The following ASXL2 variants were observed in gnomAD, a reference collection of about 807,000 sequenced individuals.
The protein encoded by ASXL2 is putative Polycomb group protein ASXL2.
A neutral mutation model predicts 122.0 loss-of-function variants in ASXL2; 23 were observed. The observed-to-expected ratio is 0.19, with a 90% CI of 0.14 to 0.27. ASXL2 has a LOEUF of 0.27. Among genes scored for constraint, ASXL2 ranks in the 10% least tolerant of loss-of-function variants. The probability of loss-of-function intolerance (pLI) is 1.00; values close to 1 mark genes in which losing one functional copy is unlikely to be tolerated. For synonymous variants in ASXL2, 650 were observed against 637.0 expected (o/e 1.02, Z -0.31); for missense variants, 1,518 against 1,713.8 (o/e 0.89, Z 2.02).
intron 3 of ASXL2, among the ~76,000 whole-genome samples, chr2:25,814,896 A>G (rs1454595273): frequency 6.6e-6 from 1 of 152,244 alleles, no homozygotes; most frequent in Non-Finnish European, 1.5e-5. Context: ...AGCCTGGGCA[A>G]GTCACTTTAA....
At chr2:25,796,021 G>C (rs1243195013) in intron 5 of ASXL2, among the ~76,000 whole-genome samples, 1 of 152,016 alleles carries the variant, frequency 6.6e-6, no homozygotes, top group Non-Finnish European at 1.5e-5. Flanking sequence ...TTGAGGTCTG[G>C]GTAGCTCTCT....
chr2:25,810,238 CTG>C (rs1413408087), intron 3 of ASXL2: 1 of 616,212 alleles, frequency 1.6e-6, no homozygotes, highest in African/African-American at 1.8e-5. Flanking sequence ...GCTCGTTCCT[CTG>C]TGAGTTCCAA....
rs1180177627 is a variant in ASXL2, at chr2:25,740,999, AGAG to A, written c.*1027_*1029del. ...CACTAGGTTAACAGGTTGGGAGAGAAGAGGAAAAGAGAAGCGACCTTGTTCTAG... is the reference window on the plus strand; with the variant it reads ...CACTAGGTTAACAGGTTGGGAGAGAAGAAAAGAGAAGCGACCTTGTTCTAG... On this transcript the variant is annotated 3_prime_UTR_variant, in exon 13 of 13. Transcript: ENST00000435504. 3 of 192,470 alleles carry A rather than the reference AGAG, an allele frequency of 1.6e-5. No homozygotes were observed. The East Asian group carries it at 2.5e-4, about 16-fold the overall frequency. 11.9% of individuals were successfully genotyped at this position (192,470 alleles called of 1,614,324 possible).
chr2:25,742,807 T>G lies in ASXL2; in HGVS notation c.3530A>C (p.Lys1177Thr). ...ACTTTCCTCATCAGTGTCATCTTCTTTGCTGCTGCTACTCTCTCCTGTTGC... is the reference window on the plus strand; with the variant it reads ...ACTTTCCTCATCAGTGTCATCTTCTGTGCTGCTGCTACTCTCTCCTGTTGC... ...KNATGESSSS[K>T]EDDTDEESTG... Residue 1177 changes from lysine to threonine, a missense_variant, in exon 13 of 13, where the codon AAA becomes ACA. By Grantham distance (78) the Lys-to-Thr change is moderately conservative. Transcript: ENST00000435504. 1 of 1,613,996 alleles carries G rather than the reference T, an allele frequency of 6.2e-7. No homozygotes were observed. Among genetic ancestry groups the G allele is most frequent in the Non-Finnish European group, 8.5e-7 (1 of 1,179,900 alleles).
chr2:25,824,112 T>G (rs1194333245), intron 3 of ASXL2, among the ~76,000 whole-genome samples: 2 of 146,588 alleles, frequency 1.4e-5, no homozygotes, highest in African/African-American at 5.1e-5. Flanking sequence ...TAGCAATAAT[T>G]AGTAGTTATG....
At chr2:25,769,526 A>G (rs1216529484) in intron 6 of ASXL2, among the ~76,000 whole-genome samples, 1 of 152,172 alleles carries the variant, frequency 6.6e-6, no homozygotes, top group Non-Finnish European at 1.5e-5. Flanking sequence ...CTACTTCAGA[A>G]TATTTTGATT....
chr2:25,849,064 C>CATATATATATATATATATAT lies in ASXL2; in HGVS notation c.58-3502_58-3501insATATATATATATATATATAT, dbSNP rs139200567. On this transcript the variant is annotated intron_variant, in intron 1 of 12. Coordinates refer to ENST00000435504, the MANE Select transcript of ASXL2 (RefSeq NM_018263.6). ...CCGTCTCAAAAAAAAAAAAAATTTACATATATATATATGGAATATTTATTT... is the reference window on the plus strand; with the variant it reads ...CCGTCTCAAAAAAAAAAAAAATTTACATATATATATATATATATATATATATATATATGGAATATTTATTT... Among the ~76,000 whole-genome samples the CATATATATATATATATATAT allele has an allele frequency of 7.6e-3, 653 of 86,432 alleles. 51 individuals carry two copies. The highest frequency in any genetic ancestry group is 0.016 in the Middle Eastern group (3 of 182). 56.7% of individuals were successfully genotyped at this position (86,432 alleles called of 152,430 possible).
At chr2:25,805,623 T>C (rs1202660918) in intron 4 of ASXL2, among the ~76,000 whole-genome samples, 3 of 152,184 alleles carry the variant, frequency 2.0e-5, no homozygotes, top group East Asian at 1.9e-4. Flanking sequence ...ATACAAATGT[T>C]GTGGGGCTCC....
intron 3 of ASXL2, among the ~76,000 whole-genome samples, chr2:25,824,660 G>A (rs1044417776): frequency 1.3e-5 from 2 of 152,156 alleles, no homozygotes; most frequent in Non-Finnish European, 2.9e-5. Flanking sequence ...CTCCAACCCC[G>A]TGGTTTACAA....
intron 8 of ASXL2, 90 bp from the exon 9 acceptor site, chr2:25,759,735 C>A: frequency 7.7e-7 from 1 of 1,302,644 alleles, no homozygotes; most frequent in Admixed American, 2.3e-5. Flanking sequence ...AAAAAATCCA[C>A]AATTGTAAGC....
intron 3 of ASXL2, among the ~76,000 whole-genome samples, chr2:25,821,955 T>C (rs1046135479): frequency 6.6e-6 from 1 of 152,192 alleles, no homozygotes; most frequent in Non-Finnish European, 1.5e-5. Context: ...CTGACACTCC[T>C]AGAACAACTC....
At chr2:25,756,891 C>T (rs189758636) in intron 9 of ASXL2, among the ~76,000 whole-genome samples, 139 of 152,268 alleles carry the variant, frequency 9.1e-4, no homozygotes, top group African/African-American at 1.8e-3. Context: ...AGAACTGGTA[C>T]GAGGGTAATA....
intron 1 of ASXL2, among the ~76,000 whole-genome samples, chr2:25,870,623 G>C (rs535018048): frequency 6.6e-6 from 1 of 152,172 alleles, no homozygotes; most frequent in Admixed American, 6.5e-5. Context: ...AGTAAGCCGT[G>C]ATTGAATGCC....
intron 11 of ASXL2, among the ~76,000 whole-genome samples, chr2:25,752,331 T>A (rs958570556): frequency 6.6e-6 from 1 of 152,170 alleles, no homozygotes; most frequent in African/African-American, 2.4e-5. Flanking sequence ...CACTGTTGGA[T>A]CTTTTGTTGG....
intron 2 of ASXL2, among the ~76,000 whole-genome samples, chr2:25,837,804 T>C (rs1173857661): frequency 6.6e-6 from 1 of 151,126 alleles, no homozygotes; most frequent in East Asian, 1.9e-4. Context: ...GAGCCGTGAT[T>C]AAAAAACAAA....
intron 2 of ASXL2, among the ~76,000 whole-genome samples, chr2:25,843,814 T>TAAAAAAAAA (rs541446675): frequency 1.0e-4 from 9 of 86,504 alleles, no homozygotes; most frequent in South Asian, 3.8e-4. Context: ...CTCCATCTCT[T>TAAAAAAAAA]AAAAAAAAAA....
At chr2:25,805,513 T>A (rs1222568495) in intron 4 of ASXL2, among the ~76,000 whole-genome samples, 1 of 151,836 alleles carries the variant, frequency 6.6e-6, no homozygotes, top group Non-Finnish European at 1.5e-5. Context: ...CAATAAAAAA[T>A]TATTAAATGG....
chr2:25,841,515 C>T (rs2089578207), intron 2 of ASXL2, among the ~76,000 whole-genome samples: 1 of 151,880 alleles, frequency 6.6e-6, no homozygotes, highest in Non-Finnish European at 1.5e-5. Flanking sequence ...TTTTTTACCA[C>T]CACAAACATA....
At chr2:25,804,705 G>A (rs2089053847) in intron 4 of ASXL2, among the ~76,000 whole-genome samples, 1 of 152,200 alleles carries the variant, frequency 6.6e-6, no homozygotes, top group African/African-American at 2.4e-5. Flanking sequence ...GTTCGTAAGT[G>A]AAAAGTTATT....
Sources: allele counts gnomAD v4.1 joint callset (sites outside exome capture counted in the v4.1 genomes callset), GRCh38; gene constraint gnomAD v4.1.1; transcripts MANE v1.5; gene names NCBI Gene and HGNC (gene_info 2026-07-23, HGNC 2026-07-21).